Variants in DUSP15 observed in about 807,000 individuals in gnomAD.
DUSP15 encodes dual specificity phosphatase 15, also known as dual specificity protein phosphatase 15.
In DUSP15, 23 loss-of-function variants were observed where a neutral mutation model predicts 26.3. That is an observed-to-expected ratio of 0.87 (90% confidence interval 0.63 to 1.24). The LOEUF (loss-of-function observed/expected upper bound fraction) is 1.24, where lower values mean the gene tolerates loss of function less well. DUSP15 is among the 50% of genes most tolerant of loss of function. The pLI is 0.00. For synonymous variants in DUSP15, 143 were observed against 135.5 expected, an observed-to-expected ratio of 1.06 and a Z score of -0.39; for missense variants, 364 against 320.6, an observed-to-expected ratio of 1.14 and a Z score of -1.03.
At chr20:31,859,026 T>C (rs1481002491), downstream of DUSP15, among the ~76,000 whole-genome samples, 2 of 152,198 alleles carry the variant, frequency 1.3e-5, no homozygotes, top group African/African-American at 4.8e-5. Context: ...CTGCAGTGTC[T>C]CAATTGGTTC....
chr20:31,870,183 C>T lies in DUSP15; in HGVS notation c.21+134G>A. On this transcript the variant is annotated intron_variant, in intron 1 of 6. Coordinates refer to ENST00000339738, the MANE Select transcript of DUSP15 (RefSeq NM_080611.5). The surrounding 1 kb of genome is among the most constrained non-coding windows in gnomAD (Gnocchi z 6.6). ...ACCCGACAGCCGCGGTCTCGAGTCA[C>T]AGGGACACGGAGATGCCGCCGCACG... 3.3e-6 allele frequency: 4 copies of T among 1,226,532 alleles called. No individual in the cohort carries two copies. Among genetic ancestry groups the T allele is most frequent in the Non-Finnish European group, 4.1e-6 (4 of 984,018 alleles). The allele number at this position is 1,226,532 out of a possible 1,614,324, so 76.0% of individuals were successfully genotyped here. A position where few individuals can be genotyped will look rare whatever the true frequency, so the allele number is the denominator to read the frequency against.
intron 6 of DUSP15, among the ~76,000 whole-genome samples, chr20:31,852,461 C>T (rs1191510290): frequency 2.0e-5 from 3 of 152,204 alleles, no homozygotes; most frequent in Non-Finnish European, 2.9e-5. Flanking sequence ...GCCATTACCT[C>T]CAGGGGCAGG....
downstream of DUSP15, among the ~76,000 whole-genome samples, chr20:31,859,303 G>A (rs1364610502): frequency 6.0e-5 from 9 of 150,230 alleles, no homozygotes; most frequent in East Asian, 1.6e-3. Flanking sequence ...TTTTTTTGGG[G>A]GGGGGGGATT....
intron 6 of DUSP15, among the ~76,000 whole-genome samples, chr20:31,853,408 G>A (rs12479577): frequency 0.05 from 7,528 of 151,910 alleles, 224 homozygotes; most frequent in Middle Eastern, 0.13. Flanking sequence ...AAAAACCACA[G>A]GTAAGAGAAA....
intron 4 of DUSP15, 28 bp from the exon 5 acceptor site, chr20:31,864,009 G>A (rs1255089968): frequency 1.2e-6 from 2 of 1,611,428 alleles, no homozygotes; most frequent in Non-Finnish European, 1.7e-6. Context: ...AGGGTAGGGA[G>A]CACTGCAGGG....
intron 6 of DUSP15, 32 bp from the exon 7 acceptor site, chr20:31,861,707 A>G: frequency 2.0e-6 from 1 of 501,928 alleles, no homozygotes; most frequent in Admixed American, 1.3e-4. Flanking sequence ...GGCGGGGTCA[A>G]GGCCGGCGCG....
At chr20:31,869,933 A>G in intron 1 of DUSP15, 1 of 1,352,160 alleles carries the variant, frequency 7.4e-7, no homozygotes, top group Non-Finnish European at 9.5e-7. Context: ...GGGGCTGGGG[A>G]GGCAGAAAGG....
At chr20:31,848,390 G>A (rs1327524402) in exon 10 of DUSP15, 5 of 1,609,728 alleles carry the variant, frequency 3.1e-6, no homozygotes, top group East Asian at 2.2e-5. Flanking sequence ...GAGCCCCCCT[G>A]TTGGGGGCTG....
At chr20:31,853,957 A>G (rs753973246) in intron 6 of DUSP15, among the ~76,000 whole-genome samples, 1 of 152,004 alleles carries the variant, frequency 6.6e-6, no homozygotes, top group African/African-American at 2.4e-5. Context: ...AGGAGGTAAC[A>G]TTTGTGCTAA....
At chr20:31,852,028 A>G (rs904606380) in intron 6 of DUSP15, among the ~76,000 whole-genome samples, 8 of 125,706 alleles carry the variant, frequency 6.4e-5, no homozygotes, top group Admixed American at 4.3e-4. Context: ...TTTTTTTGAG[A>G]TGGAGTTTTG....
At chr20:31,866,504 T>C (rs535386987) in intron 3 of DUSP15, among the ~76,000 whole-genome samples, 5 of 152,308 alleles carry the variant, frequency 3.3e-5, no homozygotes, top group Admixed American at 6.5e-5. Flanking sequence ...CTGGATTTAT[T>C]ACTTTCCTCT....
chr20:31,853,669 A>C (rs62206283), intron 6 of DUSP15, among the ~76,000 whole-genome samples: 2 of 150,808 alleles, frequency 1.3e-5, no homozygotes, highest in Non-Finnish European at 3.0e-5. Flanking sequence ...CCTGGTGATC[A>C]GGGCTCACTG....
chr20:31,867,793 C>T lies in DUSP15; in HGVS notation c.56-640G>A, dbSNP rs184123609. Among the ~76,000 whole-genome samples, 425 of 151,978 alleles carry T rather than the reference C, an allele frequency of 2.8e-3. 3 individuals are homozygous for T. Among genetic ancestry groups the T allele is most frequent in the African/African-American group, 9.3e-3 (384 of 41,446 alleles). On this transcript the variant is annotated intron_variant, in intron 2 of 6. Coordinates refer to ENST00000339738, the MANE Select transcript of DUSP15 (RefSeq NM_080611.5). ...CGGAGTAGCTGGGACTACAGGCTCC[C>T]GCCACCACACCCGGCTAATTTTTTT...
rs57662463 is a variant in DUSP15 at position 31,867,631 on chromosome 20, G to GTTTTT, written c.56-483_56-479dup. Among the ~76,000 whole-genome samples, 271 of 77,634 alleles carry GTTTTT rather than the reference G, an allele frequency of 3.5e-3. 29 individuals are homozygous for GTTTTT. The highest frequency in any genetic ancestry group is 0.027 in the East Asian group (64 of 2,332). The allele number at this position is 77,634 out of a possible 152,430, so 50.9% of individuals were successfully genotyped here. A position where few individuals can be genotyped will look rare whatever the true frequency, so the allele number is the denominator to read the frequency against. On this transcript the variant is annotated intron_variant, in intron 2 of 6. Transcript: ENST00000339738. ...GCTGATGTGCAATGATGCCCACAAT[G>GTTTTT]TTTTTTTTTTTTTTTTTTTTTTTTT...
exon 10 of DUSP15, chr20:31,848,552 A>G (rs1468544744): frequency 6.3e-7 from 1 of 1,576,664 alleles, no homozygotes; most frequent in Non-Finnish European, 8.6e-7. Flanking sequence ...CCCAGGCCGA[A>G]GCTGCACCTG....
In DUSP15 at chr20:31,848,452, G is replaced by T. The variant is rs1430801175; in HGVS notation, c.840C>A (p.Cys280Ter). The T allele has an allele frequency of 1.2e-6, 2 of 1,612,078 alleles. No individual in the cohort carries two copies. The highest frequency in any genetic ancestry group is 2.7e-5 in the African/African-American group (2 of 74,902). Residue 280 changes from cysteine to a stop codon, truncating the protein, a stop_gained, in exon 10 of 10, where the codon TGC becomes TGA. Transcript: ENST00000278979. LOFTEE classifies it low-confidence loss of function (END_TRUNC). The stretch of plus-strand genomic sequence containing the variant: ...CGGCTCGCTTAGGATGGAGGCAGCT[G>T]CATTGAAGGTGAGTGATGCCATCGG...
intron 2 of DUSP15, among the ~76,000 whole-genome samples, chr20:31,868,478 T>C (rs997944648): frequency 5.4e-5 from 1 of 18,508 alleles, no homozygotes; most frequent in South Asian, 3.3e-3. Context: ...TTCTTTCTCT[T>C]TTTTTTTTTT....
Position 31,870,403 on chromosome 20 carries a change from T to C in DUSP15, c.-66A>G. The C allele has an allele frequency of 7.8e-7, 1 of 1,288,234 alleles. No homozygotes were observed. Among genetic ancestry groups the C allele is most frequent in the Non-Finnish European group, 9.8e-7 (1 of 1,020,060 alleles). The allele number at this position is 1,288,234 out of a possible 1,614,324, so 79.8% of individuals were successfully genotyped here. On this transcript the variant is annotated 5_prime_UTR_variant, in exon 1 of 7. Coordinates refer to ENST00000339738, the MANE Select transcript of DUSP15 (RefSeq NM_080611.5). This position sits in a 1 kb window ranked among gnomAD's most constrained non-coding sequence, Gnocchi z 6.6. Reference sequence around the variant, plus strand: ...GCCCGGGAAGCGATCCGGTCACAGCTGCCCTGACGGCCCAGGCCCGACGCC... The same window carrying C: ...GCCCGGGAAGCGATCCGGTCACAGCCGCCCTGACGGCCCAGGCCCGACGCC...
chr20:31,857,575 C>T (rs2062581220), downstream of DUSP15, among the ~76,000 whole-genome samples: 1 of 152,210 alleles, frequency 6.6e-6, no homozygotes, highest in African/African-American at 2.4e-5. Context: ...TCATCTGCCT[C>T]CACTCCCTCT....
Sources: allele counts gnomAD v4.1 joint callset (sites outside exome capture counted in the v4.1 genomes callset), GRCh38; gene constraint gnomAD v4.1.1; non-coding constraint Gnocchi (gnomAD v3.1); transcripts MANE v1.5; gene names NCBI Gene and HGNC (gene_info 2026-07-23, HGNC 2026-07-21).